Variants in COL6A6 observed in about 807,000 individuals in gnomAD.
COL6A6 encodes the protein collagen alpha-6(VI) chain.
In COL6A6, 183 loss-of-function variants were observed where a neutral mutation model predicts 208.6. The ratio of observed to expected loss-of-function variants is 0.88; its 90% CI spans 0.78 to 0.99. The LOEUF (loss-of-function observed/expected upper bound fraction) is 0.99, where lower values mean the gene tolerates loss of function less well. Ranked by LOEUF, COL6A6 falls within the 50% of genes least tolerant of loss-of-function variation. The pLI is 0.00. For missense variants in COL6A6, 2,816 were observed against 2,815.2 expected, an observed-to-expected ratio of 1.00 and a Z score of -0.01; for synonymous variants, 973 against 1,011.8, an observed-to-expected ratio of 0.96 and a Z score of 0.73.
rs549175926 is a variant in COL6A6, at chr3:130,591,164, A to G, written c.4272+70A>G. On this transcript the variant is annotated intron_variant, in intron 13 of 36. Transcript: ENST00000358511. The stretch of plus-strand genomic sequence containing the variant: ...CTACAATATGAATTTCCTTGAGTCA[A>G]TTCAGGGGGAAGCAAGAAAGGTGAG... 34 of 1,088,856 alleles carry G rather than the reference A, an allele frequency of 3.1e-5. No homozygotes were observed. In the South Asian group the frequency reaches 4.1e-4, roughly 13 times the overall value. The allele number at this position is 1,088,856 out of a possible 1,614,324, so 67.4% of individuals were successfully genotyped here.
intron 1 of COL6A6, among the ~76,000 whole-genome samples, chr3:130,528,788 A>C: frequency 6.6e-6 from 1 of 152,168 alleles, no homozygotes; most frequent in Non-Finnish European, 1.5e-5. Context: ...GCACTGATAG[A>C]CTTAAAAAGC....
At chr3:130,617,509 G>C (rs1243731338) in intron 23 of COL6A6, among the ~76,000 whole-genome samples, 1 of 152,138 alleles carries the variant, frequency 6.6e-6, no homozygotes, top group African/African-American at 2.4e-5. Flanking sequence ...ACCACAAATG[G>C]CTCAATATGG....
In COL6A6 at chr3:130,603,550, G is replaced by C. The variant is rs144775973; in HGVS notation, c.4654-3381G>C. ...TTCTGTGGGGGAGATGAGGAAGAAA[G>C]GGGGAGCGTCTCTGAGCCAAACCTG... On this transcript the variant is annotated intron_variant, in intron 20 of 36. Transcript: ENST00000358511. Among the ~76,000 whole-genome samples the C allele has an allele frequency of 1.9e-4, 29 of 152,308 alleles. No homozygotes were observed. The East Asian group carries it at 4.6e-3, about 24-fold the overall frequency.
intron 35 of COL6A6, among the ~76,000 whole-genome samples, chr3:130,663,625 A>C (rs534167396): frequency 1.3e-5 from 2 of 152,346 alleles, no homozygotes; most frequent in East Asian, 3.9e-4. Flanking sequence ...AGTTGCAAGA[A>C]GTCTTATGAT....
At chr3:130,674,782 G>A (rs2066318438) in intron 36 of COL6A6, among the ~76,000 whole-genome samples, 1 of 152,168 alleles carries the variant, frequency 6.6e-6, no homozygotes, top group South Asian at 2.1e-4. Flanking sequence ...GAAGTTTACA[G>A]GTAAATAAAA....
intron 26 of COL6A6, among the ~76,000 whole-genome samples, chr3:130,628,268 A>G (rs2064950230): frequency 6.6e-6 from 1 of 152,376 alleles, no homozygotes; most frequent in South Asian, 2.1e-4. Context: ...ACATCTTACA[A>G]GAAGGGAAAT....
intron 20 of COL6A6, among the ~76,000 whole-genome samples, chr3:130,601,578 T>C (rs2064021268): frequency 6.6e-6 from 1 of 152,224 alleles, no homozygotes; most frequent in Non-Finnish European, 1.5e-5. Context: ...AGGATGTACT[T>C]TCACTGTTTT....
Position 130,568,430 on chromosome 3 carries a change from G to A in COL6A6, c.2227G>A (p.Val743Ile), listed in dbSNP as rs200242417. 5.3e-4 allele frequency: 853 copies of A among 1,613,894 alleles called. 10 individuals are homozygous for A. The highest frequency in any genetic ancestry group is 7.1e-5 in the Non-Finnish European group (84 of 1,179,904). ...TCAGGACATAGTAAAGGAACCAGCA[G>A]TAGTGCTTCGGCAAGAAGGTGTAAT... is the stretch of plus-strand genomic sequence containing the variant. ...EAQDIVKEPA[V>I]VLRQEGVIIY... Residue 743 changes from valine to isoleucine, a missense_variant, in exon 6 of 37, where the codon GTA (valine) becomes ATA (isoleucine). By Grantham distance (29) the Val-to-Ile change is conservative. Coordinates refer to ENST00000358511, the MANE Select transcript of COL6A6 (RefSeq NM_001102608.3).
At chr3:130,555,511 CT>C (rs528349912) in intron 1 of COL6A6, among the ~76,000 whole-genome samples, 63 of 152,306 alleles carry the variant, frequency 4.1e-4, no homozygotes, top group East Asian at 2.9e-3. Flanking sequence ...ATCTTGCCCC[CT>C]GTCCCTGTTC....
chr3:130,636,729 T>C, intron 28 of COL6A6, among the ~76,000 whole-genome samples: 1 of 139,368 alleles, frequency 7.2e-6, no homozygotes, highest in Non-Finnish European at 1.6e-5. Flanking sequence ...TTCTTCTGCC[T>C]CTTCCTCCCC....
At chr3:130,608,326 T>C (rs1461479924) in intron 21 of COL6A6, among the ~76,000 whole-genome samples, 1 of 152,200 alleles carries the variant, frequency 6.6e-6, no homozygotes, top group African/African-American at 2.4e-5. Flanking sequence ...TATCTGTAAG[T>C]GACATTTAAT....
intron 1 of COL6A6, among the ~76,000 whole-genome samples, chr3:130,533,120 G>A (rs2062140809): frequency 6.6e-6 from 1 of 152,004 alleles, no homozygotes; most frequent in Admixed American, 6.6e-5. Context: ...AGATTTAGGG[G>A]AAGGGAAAAT....
chr3:130,645,848 C>G (rs550204878), intron 32 of COL6A6, among the ~76,000 whole-genome samples: 1 of 152,204 alleles, frequency 6.6e-6, no homozygotes, highest in South Asian at 2.1e-4. Flanking sequence ...ACTTATCACC[C>G]TCTTATACAT....
intron 1 of COL6A6, among the ~76,000 whole-genome samples, chr3:130,555,478 C>T (rs1378721385): frequency 6.6e-6 from 1 of 152,112 alleles, no homozygotes; most frequent in Non-Finnish European, 1.5e-5. Context: ...AACAAATGAT[C>T]CCCTGGCTAC....
intron 1 of COL6A6, among the ~76,000 whole-genome samples, chr3:130,531,057 CACAG>C (rs767028252): frequency 0.089 from 1,863 of 20,902 alleles, 13 homozygotes; most frequent in Non-Finnish European, 0.16. Context: ...CACACACACA[CACAG>C]TCTCTCTCTC....
intron 1 of COL6A6, 133 bp from the exon 2 acceptor site, chr3:130,560,201 A>G: frequency 1.8e-6 from 1 of 543,966 alleles, no homozygotes; most frequent in South Asian, 2.9e-5. Flanking sequence ...ACATATTAGA[A>G]GGTCAGTGAA....
intron 1 of COL6A6, among the ~76,000 whole-genome samples, chr3:130,550,673 A>G (rs2062622162): frequency 6.6e-6 from 1 of 152,212 alleles, no homozygotes; most frequent in Non-Finnish European, 1.5e-5. Flanking sequence ...CTTATTCACT[A>G]TCACAAGAAT....
intron 4 of COL6A6, among the ~76,000 whole-genome samples, chr3:130,566,284 G>A (rs2107893929): frequency 6.6e-6 from 1 of 152,296 alleles, no homozygotes; most frequent in East Asian, 1.9e-4. Flanking sequence ...GAGCGGGTAA[G>A]GAGTAAATAA....
rs143760442 is a variant in COL6A6, at chr3:130,599,825, A to C, written c.4653+15A>C. ...GAAGAAAGACAGTAAGAGCCCTTCT[A>C]GACAAGGAGACCCACTGTTTTGGTG... On this transcript the variant is annotated intron_variant, in intron 20 of 36. Coordinates refer to ENST00000358511, the MANE Select transcript of COL6A6 (RefSeq NM_001102608.3). 4 of 1,613,062 alleles carry C rather than the reference A, an allele frequency of 2.5e-6. No homozygotes were observed. The highest frequency in any genetic ancestry group is 3.4e-6 in the Non-Finnish European group (4 of 1,179,292).
Sources: gnomAD v4.1 joint callset for allele counts (sites outside exome capture counted in the v4.1 genomes callset) on GRCh38, gnomAD v4.1.1 for gene constraint, MANE v1.5 for transcripts, NCBI Gene and HGNC (gene_info 2026-07-23, HGNC 2026-07-21) for gene names.